The following RIT2 variants were observed in gnomAD, a reference collection of about 807,000 sequenced individuals.
The protein encoded by RIT2 is GTP-binding protein Rit2.
Under a neutral mutation model 23.7 loss-of-function variants are expected in RIT2, and 24 were observed. The observed-to-expected ratio is 1.01, with a 90% CI of 0.73 to 1.43. The LOEUF is 1.43. Among genes scored for constraint, RIT2 ranks in the 40% most tolerant of loss-of-function variants. RIT2 has a pLI of 0.00. For synonymous variants in RIT2, 107 were observed against 91.1 expected (o/e 1.17, Z -0.99); for missense variants, 236 against 266.9 (o/e 0.88, Z 0.81).
intron 4 of RIT2, among the ~76,000 whole-genome samples, chr18:42,851,690 A>T (rs1406993951): frequency 6.6e-6 from 1 of 152,066 alleles, no homozygotes; most frequent in Non-Finnish European, 1.5e-5. Context: ...TCTCTACTAA[A>T]ATACAAAAAA....
intron 4 of RIT2, among the ~76,000 whole-genome samples, chr18:42,771,818 A>G (rs549832819): frequency 2.0e-5 from 3 of 152,290 alleles, no homozygotes; most frequent in South Asian, 2.1e-4. Context: ...TATGAGCAAT[A>G]TAGTAGTTCA....
At chr18:43,007,590 T>C (rs1911256280) in intron 2 of RIT2, among the ~76,000 whole-genome samples, 1 of 151,602 alleles carries the variant, frequency 6.6e-6, no homozygotes, top group South Asian at 2.1e-4. Context: ...GCTATCAAAG[T>C]CTACTAGAGT....
At position 42,962,372 on chromosome 18, in the gene RIT2, G is replaced by A. The variant is rs534855892; in HGVS notation, c.234+11702C>T. Among the ~76,000 whole-genome samples, 9 of 152,294 alleles carry A rather than the reference G, an allele frequency of 5.9e-5. No homozygotes were observed. In the South Asian group the frequency reaches 1.7e-3, roughly 28 times the overall value. Reference sequence around the variant, plus strand: ...ATTTTTATACTTTGAGGGCATGAGTGTATAAGCCCATTAAAATATTGCTGA... The same window carrying A: ...ATTTTTATACTTTGAGGGCATGAGTATATAAGCCCATTAAAATATTGCTGA... On this transcript the variant is annotated intron_variant, in intron 3 of 4. Transcript: ENST00000326695.
chr18:42,925,543 T>C (rs1226245211), intron 3 of RIT2, among the ~76,000 whole-genome samples: 2 of 152,000 alleles, frequency 1.3e-5, no homozygotes, highest in Non-Finnish European at 2.9e-5. Flanking sequence ...CAATTTAAAG[T>C]TTATGCTACT....
At chr18:43,076,288 C>T (rs1352342934) in intron 1 of RIT2, among the ~76,000 whole-genome samples, 22 of 152,082 alleles carry the variant, frequency 1.4e-4, no homozygotes, top group Admixed American at 1.4e-3. Flanking sequence ...TCATTGAGTG[C>T]TTATGAAATG....
At chr18:42,890,426 G>T (rs11877954) in intron 4 of RIT2, among the ~76,000 whole-genome samples, 35,240 of 150,594 alleles carry the variant, frequency 0.23, 4,234 homozygotes, top group African/African-American at 0.28. Context: ...ACTCTATTTG[G>T]CAAGAAACTT....
chr18:43,066,790 G>A (rs1272216250), intron 1 of RIT2, among the ~76,000 whole-genome samples: 1 of 150,508 alleles, frequency 6.6e-6, no homozygotes, highest in African/African-American at 2.4e-5. Flanking sequence ...GTTTGGACAT[G>A]CAATTAGAAA....
intron 4 of RIT2, among the ~76,000 whole-genome samples, chr18:42,745,847 C>A (rs1217283430): frequency 2.0e-5 from 3 of 152,108 alleles, no homozygotes; most frequent in Admixed American, 6.6e-5. Flanking sequence ...GCTAATGACT[C>A]ATATTTTACA....
intron 2 of RIT2, among the ~76,000 whole-genome samples, chr18:42,975,168 T>C (rs1910450263): frequency 6.6e-6 from 1 of 152,094 alleles, no homozygotes; most frequent in Non-Finnish European, 1.5e-5. Flanking sequence ...TGGTGTGAGA[T>C]GGTATCTCAT....
At chr18:42,860,447 G>A (rs919437570) in intron 4 of RIT2, among the ~76,000 whole-genome samples, 5 of 152,194 alleles carry the variant, frequency 3.3e-5, no homozygotes, top group Non-Finnish European at 7.3e-5. Flanking sequence ...TTTTGAAAAA[G>A]TTGATTTTAA....
chr18:43,074,961 GTGATGGGT>G (rs1325144877), intron 1 of RIT2, among the ~76,000 whole-genome samples: 1 of 152,102 alleles, frequency 6.6e-6, no homozygotes, highest in African/African-American at 2.4e-5. Context: ...TAATACCTAA[GTGATGGGT>G]TGATAGATGC....
chr18:42,752,161 G>A (rs778837074), intron 4 of RIT2, among the ~76,000 whole-genome samples: 1 of 152,058 alleles, frequency 6.6e-6, no homozygotes, highest in Non-Finnish European at 1.5e-5. Context: ...CAGCATCAGA[G>A]GGAGTAATTT....
At chr18:42,836,916 C>T (rs2144017579) in intron 4 of RIT2, among the ~76,000 whole-genome samples, 1 of 152,126 alleles carries the variant, frequency 6.6e-6, no homozygotes, top group South Asian at 2.1e-4. Context: ...ATGGGAAGGA[C>T]TCTAGTTGTC....
At chr18:42,782,276 A>G (rs1384036817) in intron 4 of RIT2, among the ~76,000 whole-genome samples, 1 of 152,164 alleles carries the variant, frequency 6.6e-6, no homozygotes, top group Non-Finnish European at 1.5e-5. Context: ...ATTTTTGAGT[A>G]AAGTATTTAT....
chr18:42,852,253 G>T (rs900194669), intron 4 of RIT2, among the ~76,000 whole-genome samples: 5 of 152,134 alleles, frequency 3.3e-5, no homozygotes, highest in Admixed American at 3.3e-4. Flanking sequence ...AATTAATCAG[G>T]TTCTTTGCTG....
At chr18:42,824,528 T>C (rs1906241634) in intron 4 of RIT2, among the ~76,000 whole-genome samples, 1 of 152,056 alleles carries the variant, frequency 6.6e-6, no homozygotes, top group Non-Finnish European at 1.5e-5. Context: ...TTCTCAAAGA[T>C]GCATAAAATT....
At chr18:43,063,612 T>C (rs1332001979) in intron 1 of RIT2, among the ~76,000 whole-genome samples, 1 of 152,164 alleles carries the variant, frequency 6.6e-6, no homozygotes, top group Non-Finnish European at 1.5e-5. Context: ...GCCTTTAAAC[T>C]TCAATTTTGA....
intron 4 of RIT2, among the ~76,000 whole-genome samples, chr18:42,908,836 A>C (rs1003472930): frequency 5.6e-4 from 86 of 152,252 alleles, no homozygotes; most frequent in African/African-American, 1.6e-3. Flanking sequence ...TGGTTTTGCC[A>C]TTGTTTTAAA....
intron 4 of RIT2, among the ~76,000 whole-genome samples, chr18:42,850,401 TAA>T (rs1907021116): frequency 6.6e-6 from 1 of 152,200 alleles, no homozygotes; most frequent in African/African-American, 2.4e-5. Context: ...GATTGTATTG[TAA>T]AGAGTAAAGT....
Sources: gnomAD v4.1 joint callset for allele counts (sites outside exome capture counted in the v4.1 genomes callset) on GRCh38, gnomAD v4.1.1 for gene constraint, MANE v1.5 for transcripts, NCBI Gene and HGNC (gene_info 2026-07-23, HGNC 2026-07-21) for gene names.